The following LRSAM1 variants were observed in gnomAD, a reference collection of about 807,000 sequenced individuals.
LRSAM1 encodes E3 ubiquitin-protein ligase LRSAM1.
Under a neutral mutation model 118.1 loss-of-function variants are expected in LRSAM1, and 96 were observed. The observed-to-expected ratio is 0.81, with a 90% confidence interval of 0.69 to 0.96. The LOEUF (loss-of-function observed/expected upper bound fraction) is 0.96, where lower values mean the gene tolerates loss of function less well. Among genes scored for constraint, LRSAM1 ranks in the 40% least tolerant of loss-of-function variants. The pLI is 0.00. For synonymous variants in LRSAM1, 322 were observed against 364.2 expected (o/e 0.88, Z 1.32); for missense variants, 804 against 915.5 (o/e 0.88, Z 1.57).
intron 9 of LRSAM1, among the ~76,000 whole-genome samples, chr9:127,466,331 T>C (rs1177481220): frequency 4.0e-5 from 6 of 151,492 alleles, no homozygotes; most frequent in African/African-American, 1.2e-4. Flanking sequence ...ATAATAGCAT[T>C]TCATGTAGAT....
At chr9:127,474,024 G>C in intron 11 of LRSAM1, 93 bp downstream of exon 11, 2 of 1,575,304 alleles carry the variant, frequency 1.3e-6, no homozygotes, top group Non-Finnish European at 1.7e-6. Context: ...GGGGGCGGTG[G>C]TTCAGAGCTG....
chr9:127,456,828 T>C (rs1457811443), intron 5 of LRSAM1, among the ~76,000 whole-genome samples: 5 of 149,028 alleles, frequency 3.4e-5, no homozygotes, highest in Non-Finnish European at 5.9e-5. Context: ...ATCACACCAC[T>C]GCACTCCAGC....
intron 13 of LRSAM1, 89 bp from the exon 14 acceptor site, chr9:127,479,750 T>C: frequency 6.5e-7 from 1 of 1,536,484 alleles, no homozygotes; most frequent in South Asian, 1.2e-5. Context: ...CAAGGCAGGG[T>C]GGGAAAGCCA....
At chr9:127,453,825 G>A in intron 2 of LRSAM1, 1 of 157,668 alleles carries the variant, frequency 6.3e-6, no homozygotes, top group Admixed American at 6.2e-5. Flanking sequence ...GACACAGATG[G>A]AAGAACTAGA....
chr9:127,484,900 C>T (rs530170232), intron 16 of LRSAM1, among the ~76,000 whole-genome samples: 5 of 151,288 alleles, frequency 3.3e-5, no homozygotes, highest in East Asian at 2.0e-4. Context: ...CTCTGCCTCC[C>T]GGGTTCAAGC....
chr9:127,481,315 C>G, intron 15 of LRSAM1, 88 bp downstream of exon 15: 1 of 1,445,752 alleles, frequency 6.9e-7, no homozygotes. Flanking sequence ...TGCAGTGGCA[C>G]AATCTCGGCT....
chr9:127,454,708 C>T (rs1834451500), intron 3 of LRSAM1, 109 bp downstream of exon 3: 2 of 1,164,276 alleles, frequency 1.7e-6, no homozygotes, highest in Non-Finnish European at 2.5e-6. Context: ...ATCTGCCTCC[C>T]CCACCCACAG....
At chr9:127,488,833 C>T (rs2132089977) in intron 18 of LRSAM1, among the ~76,000 whole-genome samples, 1 of 152,072 alleles carries the variant, frequency 6.6e-6, no homozygotes, top group East Asian at 1.9e-4. Context: ...TCAAGCAATC[C>T]TCCTGCCTCG....
rs149540339 is a variant in LRSAM1, at chr9:127,485,801, C to G, written c.1225C>G (p.Gln409Glu). 4.4e-4 allele frequency: 706 copies of G among 1,614,020 alleles called. No individual in the cohort carries two copies. Among genetic ancestry groups the G allele is most frequent in the Non-Finnish European group, 5.3e-4 (630 of 1,180,030 alleles). The change falls in exon 17 of 26, where the codon CAG becomes GAG. Residue 409 changes from glutamine (Q) to glutamate (E), a missense_variant. Physicochemically the swap from Gln to Glu is conservative, Grantham distance 29. Transcript: ENST00000300417. ...GCTCATCCAGATGGCCTACGAATCTCAGAGGCAGAACTTGGTCCAGCAGGC... is the reference window on the plus strand; with the variant it reads ...GCTCATCCAGATGGCCTACGAATCTGAGAGGCAGAACTTGGTCCAGCAGGC... ...NRLIQMAYES[Q>E]RQNLVQQACS...
At chr9:127,463,537 C>T (rs1834827225) in intron 9 of LRSAM1, among the ~76,000 whole-genome samples, 1 of 152,176 alleles carries the variant, frequency 6.6e-6, no homozygotes, top group Non-Finnish European at 1.5e-5. Flanking sequence ...ACCTCATCTT[C>T]CCTGTGTACA....
At chr9:127,459,183 AG>A (rs1435954086) in intron 7 of LRSAM1, 112 bp downstream of exon 7, 5 of 1,001,668 alleles carry the variant, frequency 5.0e-6, no homozygotes, top group Middle Eastern at 2.0e-4. Flanking sequence ...GGCTGCAATC[AG>A]TGCCAGCTCC....
At chr9:127,462,674 G>A (rs1379280091) in intron 9 of LRSAM1, among the ~76,000 whole-genome samples, 2 of 152,084 alleles carry the variant, frequency 1.3e-5, no homozygotes, top group Non-Finnish European at 2.9e-5. Context: ...GAGGCCTGTC[G>A]GAGGAGGGTG....
At chr9:127,487,638 C>T (rs368507132) in intron 17 of LRSAM1, 38 bp from the exon 18 acceptor site, 93 of 1,594,206 alleles carry the variant, frequency 5.8e-5, no homozygotes, top group Non-Finnish European at 7.2e-5. Flanking sequence ...GCTCGGGAAA[C>T]GTTCCAAGAA....
chr9:127,483,580 A>G (rs1309133995), intron 16 of LRSAM1, among the ~76,000 whole-genome samples: 2 of 152,226 alleles, frequency 1.3e-5, no homozygotes, highest in African/African-American at 4.8e-5. Flanking sequence ...TGTTCATAAA[A>G]ATGGGAAGTG....
chr9:127,479,407 G>A lies in LRSAM1; in HGVS notation c.805G>A (p.Glu269Lys), dbSNP rs1414933191. 3.1e-6 allele frequency: 5 copies of A among 1,614,166 alleles called. No homozygotes were observed. Among genetic ancestry groups the A allele is most frequent in the Middle Eastern group, 1.6e-4 (1 of 6,062 alleles). Reference sequence around the variant, plus strand: ...GGAACAGAAGATGCTGGAGAAACTCGAGTTTGAACGGCGCCTGGAACTGGG... The same window carrying A: ...GGAACAGAAGATGCTGGAGAAACTCAAGTTTGAACGGCGCCTGGAACTGGG... ...RKEQKMLEKL[E>K]FERRLELGQR... Residue 269 changes from glutamate (E) to lysine (K), a missense_variant, in exon 13 of 26, where the codon GAG (glutamate) becomes AAG (lysine). Transcript: ENST00000300417.
chr9:127,474,389 TC>T (rs1442154048), intron 11 of LRSAM1, among the ~76,000 whole-genome samples: 4 of 151,608 alleles, frequency 2.6e-5, no homozygotes. Context: ...CACCTCAGAC[TC>T]CCAAAGTGCT....
intron 20 of LRSAM1, among the ~76,000 whole-genome samples, chr9:127,491,968 C>T (rs530125989): frequency 1.3e-5 from 2 of 152,294 alleles, no homozygotes; most frequent in East Asian, 3.9e-4. Flanking sequence ...AGGACATGTG[C>T]CTGTGCCAGG....
chr9:127,503,160 G>T lies in LRSAM1; in HGVS notation c.*261G>T. 1.9e-6 allele frequency: 1 copy of T among 527,196 alleles called. No homozygotes were observed. Among genetic ancestry groups the T allele is most frequent in the Non-Finnish European group, 3.4e-6 (1 of 290,840 alleles). 32.7% of individuals were successfully genotyped at this position (527,196 alleles called of 1,614,324 possible). On this transcript the variant is annotated 3_prime_UTR_variant, in exon 26 of 26. Coordinates refer to ENST00000300417, the MANE Select transcript of LRSAM1 (RefSeq NM_001005373.4). Reference sequence around the variant, plus strand: ...CCGCTGCACCACCACCCGAGCCTGGGAGCCAGCGTCCCAGCCTAATCACGG... The same window carrying T: ...CCGCTGCACCACCACCCGAGCCTGGTAGCCAGCGTCCCAGCCTAATCACGG...
In LRSAM1 at chr9:127,479,889, C is replaced by G. The variant is rs200527839; in HGVS notation, c.954C>G (p.Asn318Lys). 1 of 1,612,400 alleles carries G rather than the reference C, an allele frequency of 6.2e-7. No homozygotes were observed. ...TGAGTGAGCACCAGCGCCACCTCAA[C>G]GCAGAGCGGCAGCGGCTGCAGGAGC... is the stretch of plus-strand genomic sequence containing the variant. ...QGLSEHQRHLNAERQRLQEQL... is the reference protein window; with the variant it reads ...QGLSEHQRHLKAERQRLQEQL... Residue 318 changes from asparagine (N) to lysine (K), a missense_variant, in exon 14 of 26, where the codon AAC becomes AAG. Physicochemically the swap from Asn to Lys is moderately conservative, Grantham distance 94 (BLOSUM62 0). Transcript: ENST00000300417.
Sources: gnomAD v4.1 joint callset for allele counts (sites outside exome capture counted in the v4.1 genomes callset) on GRCh38, gnomAD v4.1.1 for gene constraint, MANE v1.5 for transcripts, NCBI Gene and HGNC (gene_info 2026-07-23, HGNC 2026-07-21) for gene names.